Variants in GRIK1 observed in about 807,000 individuals in gnomAD.
The protein encoded by GRIK1 is glutamate receptor ionotropic, kainate 1.
GRIK1 carries 69 observed loss-of-function variants against 105.7 expected under a neutral mutation model. The observed-to-expected ratio is 0.65, with a 90% CI of 0.54 to 0.80. The LOEUF is 0.80. Ranked by LOEUF, GRIK1 falls within the 30% of genes least tolerant of loss-of-function variation. The probability of loss-of-function intolerance (pLI) is 0.00; values close to 1 mark genes in which losing one functional copy is unlikely to be tolerated. For synonymous variants in GRIK1, 438 were observed against 431.3 expected (o/e 1.02, Z -0.19); for missense variants, 1,109 against 1,167.3 (o/e 0.95, Z 0.73).
At chr21:29,685,618 A>G (rs2146696480) in intron 3 of GRIK1, among the ~76,000 whole-genome samples, 1 of 152,282 alleles carries the variant, frequency 6.6e-6, no homozygotes, top group South Asian at 2.1e-4. Flanking sequence ...AGAGAGCCAA[A>G]CCTAAAATGT....
Position 29,537,267 on chromosome 21 carries a change from T to C in GRIK1, c.2813A>G (p.His938Arg). ...CTCTTTTCTCTGAGTTCGTCTCTGATGACAAGTAAGGATACTTGTGAAGGA... is the reference window on the plus strand; with the variant it reads ...CTCTTTTCTCTGAGTTCGTCTCTGACGACAAGTAAGGATACTTGTGAAGGA... Reference protein sequence around the residue: ...KSSFTSILTCHQRRTQRKETV... With the variant: ...KSSFTSILTCRQRRTQRKETV... The change falls in exon 18 of 18, where the codon CAT (histidine) becomes CGT (arginine). Residue 938 changes from histidine to arginine, a missense_variant. Physicochemically the swap from His to Arg is conservative, Grantham distance 29. Coordinates refer to ENST00000327783, the MANE Select transcript of GRIK1 (RefSeq NM_001330994.2). The C allele has an allele frequency of 6.2e-7, 1 of 1,610,976 alleles. No individual in the cohort carries two copies. The highest frequency in any genetic ancestry group is 1.1e-5 in the South Asian group (1 of 90,554).
intron 16 of GRIK1, among the ~76,000 whole-genome samples, chr21:29,543,925 C>G (rs563381760): frequency 2.8e-4 from 42 of 152,304 alleles, no homozygotes; most frequent in African/African-American, 9.6e-4. Flanking sequence ...AGCATGTAGA[C>G]TTCATGAACT....
intron 3 of GRIK1, among the ~76,000 whole-genome samples, chr21:29,677,499 G>C (rs1421769552): frequency 6.6e-6 from 1 of 151,816 alleles, no homozygotes; most frequent in Non-Finnish European, 1.5e-5. Context: ...TGTCTACTCG[G>C]TGCACTCAGA....
chr21:29,835,139 T>C (rs1354974678), intron 1 of GRIK1, among the ~76,000 whole-genome samples: 1 of 152,192 alleles, frequency 6.6e-6, no homozygotes, highest in Non-Finnish European at 1.5e-5. Context: ...CTTGATTTGA[T>C]TCACTTGCAA....
intron 1 of GRIK1, among the ~76,000 whole-genome samples, chr21:29,768,306 C>A (rs2065726056): frequency 6.6e-6 from 1 of 152,106 alleles, no homozygotes; most frequent in Non-Finnish European, 1.5e-5. Context: ...AATCTGATGC[C>A]AATGATCTTA....
chr21:29,878,424 A>G (rs1044058861), intron 1 of GRIK1, among the ~76,000 whole-genome samples: 4 of 152,132 alleles, frequency 2.6e-5, no homozygotes, highest in Non-Finnish European at 4.4e-5. Context: ...TAGGGTACCA[A>G]AGAAACCTTC....
chr21:29,828,036 G>GT (rs2067518658), intron 1 of GRIK1, among the ~76,000 whole-genome samples: 1 of 138,504 alleles, frequency 7.2e-6, no homozygotes. Context: ...TGTGTGTGTG[G>GT]GTGTGTGTCT....
intron 1 of GRIK1, among the ~76,000 whole-genome samples, chr21:29,839,626 G>A (rs1422993305): frequency 1.3e-5 from 2 of 152,166 alleles, no homozygotes; most frequent in African/African-American, 2.4e-5. Flanking sequence ...CTATTGAGAT[G>A]TTATGGGGAC....
intron 1 of GRIK1, among the ~76,000 whole-genome samples, chr21:29,904,613 A>G (rs937487166): frequency 1.1e-4 from 17 of 152,134 alleles, no homozygotes; most frequent in African/African-American, 3.4e-4. Flanking sequence ...GGTTGCAATG[A>G]TTTTACATGT....
intron 1 of GRIK1, among the ~76,000 whole-genome samples, chr21:29,711,943 G>GA (rs1174549269): frequency 6.6e-6 from 1 of 151,648 alleles, no homozygotes; most frequent in African/African-American, 2.4e-5. Context: ...GAAAAAAGGA[G>GA]AAAAAAATCA....
rs1195533568 is a variant in GRIK1 at position 29,633,722 on chromosome 21, C to G, written c.1098+9104G>C. Among the ~76,000 whole-genome samples, 4 of 152,166 alleles carry G rather than the reference C, an allele frequency of 2.6e-5. No homozygotes were observed. In the South Asian group the frequency reaches 8.3e-4, roughly 32 times the overall value. On this transcript the variant is annotated intron_variant, in intron 7 of 17. Coordinates refer to ENST00000327783, the MANE Select transcript of GRIK1 (RefSeq NM_001330994.2). Reference sequence around the variant, plus strand: ...GAATTGAGGGAAGGACCTAAAAACCCACTCTTCCTTAGGTCTAAATATCCT... The same window carrying G: ...GAATTGAGGGAAGGACCTAAAAACCGACTCTTCCTTAGGTCTAAATATCCT...
chr21:29,871,282 A>C (rs1416414955), intron 1 of GRIK1, among the ~76,000 whole-genome samples: 1 of 152,200 alleles, frequency 6.6e-6, no homozygotes, highest in Non-Finnish European at 1.5e-5. Context: ...TAAAACCAGC[A>C]TTTATAGAAC....
At chr21:29,819,145 A>G (rs2067231783) in intron 1 of GRIK1, among the ~76,000 whole-genome samples, 1 of 152,134 alleles carries the variant, frequency 6.6e-6, no homozygotes, top group South Asian at 2.1e-4. Context: ...TCAAGATACT[A>G]TATATTGAAA....
chr21:29,933,663 T>A (rs1416294450), intron 1 of GRIK1, among the ~76,000 whole-genome samples: 3 of 152,128 alleles, frequency 2.0e-5, no homozygotes, highest in Admixed American at 1.3e-4. Context: ...AGACTGAAGG[T>A]ATGCCATGCA....
At chr21:29,716,273 C>G (rs2064174756) in intron 1 of GRIK1, among the ~76,000 whole-genome samples, 1 of 152,234 alleles carries the variant, frequency 6.6e-6, no homozygotes, top group African/African-American at 2.4e-5. Flanking sequence ...ATGCAGTAAA[C>G]TTGTACTGGC....
At chr21:29,659,019 G>T (rs1043206903) in intron 4 of GRIK1, among the ~76,000 whole-genome samples, 1 of 152,094 alleles carries the variant, frequency 6.6e-6, no homozygotes, top group Non-Finnish European at 1.5e-5. Context: ...GGAGGTTTAG[G>T]GTCAAAATTA....
In GRIK1 at chr21:29,605,438, T is replaced by C. The variant is rs1458651054; in HGVS notation, c.1099-6501A>G. Among the ~76,000 whole-genome samples the C allele has an allele frequency of 2.0e-5, 3 of 152,308 alleles. No homozygotes were observed. In the East Asian group the frequency reaches 5.8e-4, roughly 29 times the overall value. On this transcript the variant is annotated intron_variant, in intron 7 of 17. Coordinates refer to ENST00000327783, the MANE Select transcript of GRIK1 (RefSeq NM_001330994.2). ...TGCGTAGTATTCCATGGTGTATATA[T>C]ACCACATTTTCTTTTTTCAGTCTAT...
At chr21:29,572,638 C>T (rs1231415156) in intron 14 of GRIK1, among the ~76,000 whole-genome samples, 1 of 152,182 alleles carries the variant, frequency 6.6e-6, no homozygotes, top group Non-Finnish European at 1.5e-5. Context: ...TTCTAGAACT[C>T]TCTGAATTTT....
intron 7 of GRIK1, among the ~76,000 whole-genome samples, chr21:29,613,364 A>G (rs1367119197): frequency 6.6e-6 from 1 of 152,236 alleles, no homozygotes; most frequent in Non-Finnish European, 1.5e-5. Flanking sequence ...AATGAGCACA[A>G]AATCATTGGA....
Sources: gnomAD v4.1 joint callset for allele counts (sites outside exome capture counted in the v4.1 genomes callset) on GRCh38, gnomAD v4.1.1 for gene constraint, MANE v1.5 for transcripts, NCBI Gene and HGNC (gene_info 2026-07-23, HGNC 2026-07-21) for gene names.